The following CAPS2 variants were observed in gnomAD, a reference collection of about 807,000 sequenced individuals.
CAPS2 encodes calcyphosine 2, also known as calcyphosin-2.
CAPS2 carries 98 observed loss-of-function variants against 86.5 expected under a neutral mutation model. That is an observed-to-expected ratio of 1.13 (90% confidence interval 0.96 to 1.34). The LOEUF (loss-of-function observed/expected upper bound fraction) is 1.34. Ranked by LOEUF, CAPS2 falls within the 40% of genes most tolerant of loss-of-function variation. CAPS2 has a pLI of 0.00. For synonymous variants in CAPS2, 210 were observed against 225.1 expected (o/e 0.93, Z 0.60); for missense variants, 729 against 686.8 (o/e 1.06, Z -0.69).
At chr12:75,359,357 C>CTTTTTTTTTTTT (rs61616225) in intron 1 of CAPS2, among the ~76,000 whole-genome samples, 18 of 28,588 alleles carry the variant, frequency 6.3e-4, no homozygotes, top group Non-Finnish European at 7.9e-4. Flanking sequence ...GCATTGTTGT[C>CTTTTTTTTTTTT]TTTTTTTTTT....
intron 5 of CAPS2, among the ~76,000 whole-genome samples, chr12:75,317,523 T>G (rs1391272785): frequency 6.6e-6 from 1 of 152,166 alleles, no homozygotes; most frequent in Non-Finnish European, 1.5e-5. Flanking sequence ...TCAGCTTGTT[T>G]TCAACCTTTT....
intron 1 of CAPS2, chr12:75,390,345 A>C (rs2139890853): frequency 2.2e-6 from 1 of 456,322 alleles, no homozygotes; most frequent in African/African-American, 2.0e-5. Flanking sequence ...ATTAGTGAAA[A>C]AGATGAATCT....
upstream of CAPS2, among the ~76,000 whole-genome samples, chr12:75,331,347 G>T (rs142891155): frequency 4.9e-4 from 74 of 152,228 alleles, no homozygotes; most frequent in African/African-American, 1.7e-3. Context: ...GTATCAAAAC[G>T]TGAATATTTC....
chr12:75,355,624 C>T (rs1241308756), intron 1 of CAPS2, among the ~76,000 whole-genome samples: 1 of 152,118 alleles, frequency 6.6e-6, no homozygotes, highest in African/African-American at 2.4e-5. Context: ...AATCCCATCG[C>T]TAGGTATATA....
intron 5 of CAPS2, chr12:75,318,065 G>A (rs2039950751): frequency 1.3e-5 from 2 of 151,900 alleles, no homozygotes; most frequent in South Asian, 4.2e-4. Flanking sequence ...CTATTTTAGA[G>A]TCCACATATA....
chr12:75,291,480 C>CATATATAT (rs556770226), intron 13 of CAPS2, among the ~76,000 whole-genome samples: 13 of 18,636 alleles, frequency 7.0e-4, no homozygotes, highest in Non-Finnish European at 8.2e-4. Context: ...ACAATAAAAG[C>CATATATAT]ATATATATAT....
At chr12:75,296,374 C>T (rs1565816500) in intron 11 of CAPS2, among the ~76,000 whole-genome samples, 1 of 152,014 alleles carries the variant, frequency 6.6e-6, no homozygotes, top group Non-Finnish European at 1.5e-5. Flanking sequence ...TCACTGCAAG[C>T]TCCGCCTCCT....
At chr12:75,375,856 G>A (rs2044621140) in intron 1 of CAPS2, among the ~76,000 whole-genome samples, 2 of 152,126 alleles carry the variant, frequency 1.3e-5, no homozygotes, top group Admixed American at 1.3e-4. Flanking sequence ...CTGCCACCTC[G>A]GGATCCAATT....
At chr12:75,316,376 A>G in exon 6 of CAPS2, 5 of 1,551,090 alleles carry the variant, frequency 3.2e-6, no homozygotes, top group Non-Finnish European at 4.4e-6. Flanking sequence ...TTGCTGTAAG[A>G]TGGCTTTCCT....
chr12:75,374,381 T>C (rs2044539008), intron 1 of CAPS2, among the ~76,000 whole-genome samples: 1 of 152,234 alleles, frequency 6.6e-6, no homozygotes, highest in Non-Finnish European at 1.5e-5. Context: ...TTGTGCCTTT[T>C]TCTTGGTTGT....
chr12:75,388,625 C>T (rs1431432378), intron 1 of CAPS2, among the ~76,000 whole-genome samples: 3 of 147,636 alleles, frequency 2.0e-5, no homozygotes, highest in Non-Finnish European at 3.0e-5. Flanking sequence ...TAGTAGTTGC[C>T]GGGGTTAGGA....
At chr12:75,372,641 T>C (rs954734372) in intron 1 of CAPS2, among the ~76,000 whole-genome samples, 1 of 152,164 alleles carries the variant, frequency 6.6e-6, no homozygotes, top group African/African-American at 2.4e-5. Flanking sequence ...GTGCCATATA[T>C]TGGATGCTGA....
intron 1 of CAPS2, among the ~76,000 whole-genome samples, chr12:75,374,077 T>C (rs955576177): frequency 6.6e-6 from 1 of 152,204 alleles, no homozygotes; most frequent in Non-Finnish European, 1.5e-5. Context: ...ATAGCAGGGC[T>C]TTGCTCCAAA....
chr12:75,278,134 A>G (rs2033236302), exon 17 of CAPS2: 1 of 931,520 alleles, frequency 1.1e-6, no homozygotes, highest in Non-Finnish European at 1.3e-6. Context: ...ATATTGCTCA[A>G]TAACAATCGT....
chr12:75,303,810 T>A (rs1023038744), intron 8 of CAPS2, among the ~76,000 whole-genome samples: 1 of 152,208 alleles, frequency 6.6e-6, no homozygotes, highest in Non-Finnish European at 1.5e-5. Flanking sequence ...CACTCACACA[T>A]GTCCTTATTG....
intron 1 of CAPS2, among the ~76,000 whole-genome samples, chr12:75,338,559 A>G (rs1190493441): frequency 6.6e-6 from 1 of 151,964 alleles, no homozygotes; most frequent in African/African-American, 2.4e-5. Context: ...GTTTTGGGGA[A>G]ACAGGTGATG....
intron 7 of CAPS2, among the ~76,000 whole-genome samples, chr12:75,309,573 C>A (rs1745066506): frequency 6.6e-6 from 1 of 152,240 alleles, no homozygotes; most frequent in Admixed American, 6.5e-5. Context: ...AATGAGTAGA[C>A]ATTTTTTAAA....
rs527605539 is a variant in CAPS2, at chr12:75,278,655, T to C, written c.*235A>G. On this transcript the variant is annotated 3_prime_UTR_variant, in exon 17 of 17. Transcript: ENST00000393284. ...AGATATCTTTACAAATGTAAGGACA[T>C]GTGAACAGGCATACACATGCACAAA... The C allele has an allele frequency of 4.5e-5, 53 of 1,188,874 alleles. No individual in the cohort carries two copies. The South Asian group carries it at 2.1e-3, about 47-fold the overall frequency. 73.6% of individuals were successfully genotyped at this position (1,188,874 alleles called of 1,614,324 possible). A position where few individuals can be genotyped will look rare whatever the true frequency, so the allele number is the denominator to read the frequency against.
At chr12:75,386,758 A>G (rs1158536317) in intron 1 of CAPS2, among the ~76,000 whole-genome samples, 1 of 152,252 alleles carries the variant, frequency 6.6e-6, no homozygotes, top group African/African-American at 2.4e-5. Flanking sequence ...AGAACAGCAT[A>G]AATAAAGTCA....
Sources: gnomAD v4.1 joint callset for allele counts (sites outside exome capture counted in the v4.1 genomes callset) on GRCh38, gnomAD v4.1.1 for gene constraint, MANE v1.5 for transcripts, NCBI Gene and HGNC (gene_info 2026-07-23, HGNC 2026-07-21) for gene names.